The following LRFN5 variants were observed in gnomAD, a reference collection of about 807,000 sequenced individuals.
LRFN5 encodes leucine-rich repeat and fibronectin type-III domain-containing protein 5.
Under a neutral mutation model 45.6 loss-of-function variants are expected in LRFN5, and 24 were observed. The ratio of observed to expected loss-of-function variants is 0.53; its 90% CI spans 0.38 to 0.74. The LOEUF is 0.74. Among genes scored for constraint, LRFN5 ranks in the 30% least tolerant of loss-of-function variants. The pLI is 0.00. For missense variants in LRFN5, 776 were observed against 861.5 expected, an observed-to-expected ratio of 0.90 and a Z score of 1.24; for synonymous variants, 340 against 313.8, an observed-to-expected ratio of 1.08 and a Z score of -0.88.
At chr14:41,763,030 G>A (rs1470376235) in intron 1 of LRFN5, among the ~76,000 whole-genome samples, 1 of 152,128 alleles carries the variant, frequency 6.6e-6, no homozygotes, top group East Asian at 1.9e-4. Context: ...AAAATGAAGG[G>A]AATATGTGAG....
chr14:41,754,240 C>G (rs1190378722), intron 1 of LRFN5, among the ~76,000 whole-genome samples: 3 of 151,996 alleles, frequency 2.0e-5, no homozygotes, highest in African/African-American at 4.8e-5. Flanking sequence ...TTTGTTGTGT[C>G]TCTGCCAGGC....
intron 1 of LRFN5, among the ~76,000 whole-genome samples, chr14:41,647,286 C>A (rs1879863745): frequency 6.6e-6 from 1 of 152,134 alleles, no homozygotes; most frequent in Admixed American, 6.6e-5. Flanking sequence ...CTTGTCTAGG[C>A]CCCATATAAT....
At chr14:41,680,904 A>G (rs1006714416) in intron 1 of LRFN5, among the ~76,000 whole-genome samples, 2 of 152,092 alleles carry the variant, frequency 1.3e-5, no homozygotes, top group Non-Finnish European at 1.5e-5. Context: ...ACATCAGACA[A>G]ATTTAACAAA....
At chr14:41,687,824 G>A (rs559654245) in intron 1 of LRFN5, among the ~76,000 whole-genome samples, 24 of 152,174 alleles carry the variant, frequency 1.6e-4, no homozygotes, top group Admixed American at 9.8e-4. Context: ...TGGGGGTTGG[G>A]GTTTGAACAG....
chr14:41,808,198 G>A, intron 2 of LRFN5, among the ~76,000 whole-genome samples: 1 of 11,070 alleles, frequency 9.0e-5, no homozygotes, highest in Non-Finnish European at 1.6e-4. Flanking sequence ...GGAAGTAGAG[G>A]GAAGGAAGGA....
intron 1 of LRFN5, among the ~76,000 whole-genome samples, chr14:41,616,068 T>C (rs1158221217): frequency 6.6e-6 from 1 of 152,192 alleles, no homozygotes; most frequent in East Asian, 1.9e-4. Flanking sequence ...TCAGATCATA[T>C]GATTTACTCA....
At chr14:41,844,940 A>G (rs1344681860) in intron 2 of LRFN5, among the ~76,000 whole-genome samples, 1 of 152,184 alleles carries the variant, frequency 6.6e-6, no homozygotes, top group Non-Finnish European at 1.5e-5. Flanking sequence ...TATTTTCCTC[A>G]TGTAAAATGT....
intron 1 of LRFN5, among the ~76,000 whole-genome samples, chr14:41,715,260 T>G (rs1033562153): frequency 6.6e-6 from 1 of 152,222 alleles, no homozygotes; most frequent in Admixed American, 6.5e-5. Flanking sequence ...TTAAGACCAC[T>G]TCTTTGGCAT....
At chr14:41,822,085 A>C (rs1888134727) in intron 2 of LRFN5, among the ~76,000 whole-genome samples, 2 of 151,744 alleles carry the variant, frequency 1.3e-5, no homozygotes, top group Non-Finnish European at 2.9e-5. Context: ...CATCCTAGCA[A>C]ATTTGTTTAT....
chr14:41,901,404 G>C (rs530584080), intron 5 of LRFN5, among the ~76,000 whole-genome samples: 2 of 149,076 alleles, frequency 1.3e-5, no homozygotes, highest in Non-Finnish European at 3.0e-5. Context: ...ACTGTTTGCT[G>C]TTTTCTGACC....
At chr14:41,661,132 G>A (rs1343299848) in intron 1 of LRFN5, among the ~76,000 whole-genome samples, 1 of 151,352 alleles carries the variant, frequency 6.6e-6, no homozygotes, top group Non-Finnish European at 1.5e-5. Flanking sequence ...ATCCTTTAGA[G>A]ATTAAAGAGA....
At chr14:41,626,803 A>G (rs1314430131) in intron 1 of LRFN5, among the ~76,000 whole-genome samples, 1 of 152,134 alleles carries the variant, frequency 6.6e-6, no homozygotes, top group African/African-American at 2.4e-5. Context: ...TGTATTAGAC[A>G]AAGAAACGAA....
intron 2 of LRFN5, among the ~76,000 whole-genome samples, chr14:41,792,728 T>A (rs975586051): frequency 2.6e-5 from 4 of 152,046 alleles, no homozygotes; most frequent in Admixed American, 2.6e-4. Context: ...TCTGTTCTTT[T>A]TCAAAGTGCA....
chr14:41,686,322 C>A (rs774419019), intron 1 of LRFN5, among the ~76,000 whole-genome samples: 3 of 151,894 alleles, frequency 2.0e-5, no homozygotes, highest in Non-Finnish European at 4.4e-5. Flanking sequence ...ATTCTGTATC[C>A]TGAGACTTTG....
At chr14:41,733,764 C>G (rs1368425423) in intron 1 of LRFN5, 1 of 151,812 alleles carries the variant, frequency 6.6e-6, no homozygotes, top group East Asian at 1.9e-4. Context: ...ATCATTGTAA[C>G]TCTGGTTGGT....
At chr14:41,699,168 T>C (rs1033009667) in intron 1 of LRFN5, among the ~76,000 whole-genome samples, 9 of 152,032 alleles carry the variant, frequency 5.9e-5, no homozygotes, top group Non-Finnish European at 1.3e-4. Context: ...AGGAATCGCC[T>C]GGAGATTTTT....
chr14:41,842,276 A>G (rs1251494511), intron 2 of LRFN5, among the ~76,000 whole-genome samples: 1 of 152,112 alleles, frequency 6.6e-6, no homozygotes, highest in African/African-American at 2.4e-5. Flanking sequence ...CTATTATCTA[A>G]GTCAGCAAAC....
chr14:41,644,622 G>A (rs1760259446), intron 1 of LRFN5, among the ~76,000 whole-genome samples: 1 of 151,998 alleles, frequency 6.6e-6, no homozygotes, highest in South Asian at 2.1e-4. Flanking sequence ...TGTGTGTACT[G>A]GCAGAGGTTG....
intron 2 of LRFN5, among the ~76,000 whole-genome samples, chr14:41,770,837 C>T (rs1424633866): frequency 6.6e-6 from 1 of 152,068 alleles, no homozygotes; most frequent in Non-Finnish European, 1.5e-5. Flanking sequence ...CTGGTGGAGA[C>T]TCTGTATGGG....
Sources: allele counts gnomAD v4.1 joint callset (sites outside exome capture counted in the v4.1 genomes callset), GRCh38; gene constraint gnomAD v4.1.1; transcripts MANE v1.5; gene names NCBI Gene and HGNC (gene_info 2026-07-23, HGNC 2026-07-21).